LDAF1: variants seen among roughly 807,000 people sequenced by gnomAD.
The protein encoded by LDAF1 is PROMETHIN.
LDAF1 carries 7 observed loss-of-function variants against 13.5 expected under a neutral mutation model. The ratio of observed to expected loss-of-function variants is 0.52; its 90% CI spans 0.29 to 0.97. The LOEUF (loss-of-function observed/expected upper bound fraction) is 0.97, where lower values mean the gene tolerates loss of function less well. Ranked by LOEUF, LDAF1 falls within the 50% of genes least tolerant of loss-of-function variation. The probability of loss-of-function intolerance (pLI) is 0.07; values close to 1 mark genes in which losing one functional copy is unlikely to be tolerated. For synonymous variants in LDAF1, 69 were observed against 77.1 expected (o/e 0.89, Z 0.55); for missense variants, 148 against 193.2 (o/e 0.77, Z 1.39).
In LDAF1 at chr16:21,167,032, G is replaced by A. The variant is rs1205119923; in HGVS notation, c.97-3405G>A. 3.4e-6 allele frequency: 3 copies of A among 890,728 alleles called. No homozygotes were observed. In the African/African-American group the frequency reaches 5.0e-5, roughly 15 times the overall value. The allele number at this position is 890,728 out of a possible 1,614,324, so 55.2% of individuals were successfully genotyped here. A position where few individuals can be genotyped will look rare whatever the true frequency, so the allele number is the denominator to read the frequency against. ...GTCAGCGGGCATTATGCCGTCCTGT[G>A]GCCTGGCAGGGAGTGAAATTGGCCA... On this transcript the variant is annotated intron_variant, in intron 2 of 4. Coordinates refer to ENST00000233047, the MANE Select transcript of LDAF1 (RefSeq NM_001301771.2).
At chr16:21,176,219 A>G (rs1297652352) in intron 4 of LDAF1, among the ~76,000 whole-genome samples, 1 of 152,232 alleles carries the variant, frequency 6.6e-6, no homozygotes, top group Non-Finnish European at 1.5e-5. Context: ...GAAGAAATTG[A>G]AAAACAAATC....
At chr16:21,169,187 G>A (rs867661056) in intron 2 of LDAF1, 8 of 984,328 alleles carry the variant, frequency 8.1e-6, no homozygotes, top group Middle Eastern at 1.0e-3. Context: ...GAGGCTGTGC[G>A]ACTCTAGACA....
At chr16:21,165,357 G>T (rs949813226) in intron 2 of LDAF1, among the ~76,000 whole-genome samples, 2 of 152,160 alleles carry the variant, frequency 1.3e-5, no homozygotes, top group Non-Finnish European at 2.9e-5. Context: ...GTTGCAGTGA[G>T]CCGAGATCAT....
At position 21,179,593 on chromosome 16, in the gene LDAF1, G is replaced by A. The variant is rs1242460201; in HGVS notation, c.*37G>A. 1.9e-6 allele frequency: 3 copies of A among 1,576,606 alleles called. No individual in the cohort carries two copies. The highest frequency in any genetic ancestry group is 1.7e-6 in the Non-Finnish European group (2 of 1,148,488). Reference sequence around the variant, plus strand: ...GAGGCCGGGCTTCTTTTCAAGTACTGCTGGATCATACTCACCCCTTGGGAT... The same window carrying A: ...GAGGCCGGGCTTCTTTTCAAGTACTACTGGATCATACTCACCCCTTGGGAT... On this transcript the variant is annotated 3_prime_UTR_variant, in exon 5 of 5. Coordinates refer to ENST00000233047, the MANE Select transcript of LDAF1 (RefSeq NM_001301771.2).
At chr16:21,169,217 T>C (rs532507332) in intron 2 of LDAF1, 1 of 978,716 alleles carries the variant, frequency 1.0e-6, no homozygotes, top group Admixed American at 6.2e-5. Flanking sequence ...GTTCATTGCT[T>C]CTCAAACTTT....
chr16:21,168,959 T>A (rs889894610), intron 2 of LDAF1, among the ~76,000 whole-genome samples: 2 of 115,148 alleles, frequency 1.7e-5, no homozygotes, highest in African/African-American at 7.5e-5. Context: ...GTATATATAA[T>A]ATAATATATT....
rs2093115350 is a variant in LDAF1 at position 21,174,021 on chromosome 16, T to A, written c.277T>A (p.Ser93Thr). Residue 93 changes from serine (S) to threonine (T), a missense_variant, in exon 4 of 5, where the codon TCT becomes ACT. Transcript: ENST00000233047. Reference sequence around the variant, plus strand: ...CGTTCTCCTCCTAGGATTGGTCATCTCTGTGGGTGGCTTCTCACTGCTCTG... The same window carrying A: ...CGTTCTCCTCCTAGGATTGGTCATCACTGTGGGTGGCTTCTCACTGCTCTG... ...GVIILEGLVI[S>T]VGGFSLLCIL... The A allele has an allele frequency of 5.6e-6, 9 of 1,613,268 alleles. No individual in the cohort carries two copies. In the East Asian group the frequency reaches 2.0e-4, roughly 36 times the overall value.
rs1441309884 is a variant in LDAF1, at chr16:21,174,133, G to A, written c.389G>A (p.Cys130Tyr). 4 of 1,608,680 alleles carry A rather than the reference G, an allele frequency of 2.5e-6. No homozygotes were observed. Among genetic ancestry groups the A allele is most frequent in the African/African-American group, 2.7e-5 (2 of 74,544 alleles). Residue 130 changes from cysteine to tyrosine, a missense_variant, in exon 4 of 5, where the codon TGC (cysteine) becomes TAC (tyrosine). Physicochemically the swap from Cys to Tyr is radical, Grantham distance 194. Transcript: ENST00000233047. ...SYVVVSSLIS[C>Y]WFSPRPLTQQ... ...GTAGTGGTCTCCAGCCTCATCAGCT[G>A]CTGGTTTTCTCCCAGGTAAATACAT...
At chr16:21,171,479 T>A (rs2152847457) in intron 3 of LDAF1, among the ~76,000 whole-genome samples, 1 of 152,272 alleles carries the variant, frequency 6.6e-6, no homozygotes, top group Middle Eastern at 3.4e-3. Context: ...AGAGTGGTTT[T>A]TGAGTAAATG....
intron 4 of LDAF1, among the ~76,000 whole-genome samples, chr16:21,177,619 C>CTTTTTTTT (rs1025169859): frequency 1.7e-5 from 2 of 115,880 alleles, no homozygotes; most frequent in Non-Finnish European, 3.5e-5. Context: ...TTAGCGAATT[C>CTTTTTTTT]TTTTTTTTTT....
chr16:21,176,499 C>G (rs2093139580), intron 4 of LDAF1, among the ~76,000 whole-genome samples: 2 of 151,998 alleles, frequency 1.3e-5, no homozygotes, highest in Non-Finnish European at 2.9e-5. Context: ...AAAAATTAGC[C>G]AACTGTGGTG....
chr16:21,167,335 GA>G (rs1386644976), intron 2 of LDAF1, among the ~76,000 whole-genome samples: 7 of 152,260 alleles, frequency 4.6e-5, no homozygotes, highest in African/African-American at 1.4e-4. Context: ...TGAGGCTCAG[GA>G]AGGACCAGTT....
At chr16:21,161,321 A>G in intron 2 of LDAF1, 43 bp downstream of exon 2, 1 of 1,594,340 alleles carries the variant, frequency 6.3e-7, no homozygotes. Flanking sequence ...TCCCAATATA[A>G]CACTAGCATA....
intron 1 of LDAF1, chr16:21,159,372 A>G (rs775726878): frequency 1.1e-5 from 17 of 1,613,876 alleles, no homozygotes; most frequent in Non-Finnish European, 1.4e-5. Context: ...CTGGCTTTTG[A>G]ACGCTGAAAG....
At chr16:21,167,653 C>G (rs1183307869) in intron 2 of LDAF1, among the ~76,000 whole-genome samples, 1 of 142,004 alleles carries the variant, frequency 7.0e-6, no homozygotes, top group Non-Finnish European at 1.5e-5. Flanking sequence ...GTGGTGGCAG[C>G]TGTTGCAAGC....
rs765821702 is a variant in LDAF1 at position 21,179,608 on chromosome 16, C to A, written c.*52C>A. The A allele has an allele frequency of 6.6e-7, 1 of 1,523,862 alleles. No homozygotes were observed. Among genetic ancestry groups the A allele is most frequent in the Non-Finnish European group, 9.0e-7 (1 of 1,106,646 alleles). 94.4% of individuals were successfully genotyped at this position (1,523,862 alleles called of 1,614,324 possible). Reference sequence around the variant, plus strand: ...TTCAAGTACTGCTGGATCATACTCACCCCTTGGGATTATGGCTTAGAAGAA... The same window carrying A: ...TTCAAGTACTGCTGGATCATACTCAACCCTTGGGATTATGGCTTAGAAGAA... On this transcript the variant is annotated 3_prime_UTR_variant, in exon 5 of 5. Coordinates refer to ENST00000233047, the MANE Select transcript of LDAF1 (RefSeq NM_001301771.2).
chr16:21,172,788 C>T lies in LDAF1; in HGVS notation c.266-1222C>T, dbSNP rs1400448851. The T allele has an allele frequency of 3.4e-5, 33 of 982,578 alleles. No individual in the cohort carries two copies. In the African/African-American group the frequency reaches 4.5e-4, roughly 14 times the overall value. 60.9% of individuals were successfully genotyped at this position (982,578 alleles called of 1,614,324 possible). ...GTGGTTGGCACCACACTTTGAAAAACGCTGATCTAAAATTTTGCGAATCTT... is the reference window on the plus strand; with the variant it reads ...GTGGTTGGCACCACACTTTGAAAAATGCTGATCTAAAATTTTGCGAATCTT... On this transcript the variant is annotated intron_variant, in intron 3 of 4. Transcript: ENST00000233047.
In LDAF1 at chr16:21,179,549, A is replaced by G; in HGVS notation, c.479A>G (p.Gln160Arg). ...MKSAEFEGLY[Q>R]E ...TCTGCAGAATTCGAGGGGCTTTACC[A>G]GGAATGAGTGACTGCTCAGAGGCCG... The change falls in exon 5 of 5, where the codon CAG becomes CGG. Residue 160 changes from glutamine to arginine, a missense_variant. Coordinates refer to ENST00000233047, the MANE Select transcript of LDAF1 (RefSeq NM_001301771.2). 6.2e-7 allele frequency: 1 copy of G among 1,613,992 alleles called. No individual in the cohort carries two copies. Among genetic ancestry groups the G allele is most frequent in the Non-Finnish European group, 8.5e-7 (1 of 1,179,888 alleles).
chr16:21,172,879 A>G, intron 3 of LDAF1: 1 of 982,576 alleles, frequency 1.0e-6, no homozygotes, highest in Non-Finnish European at 1.2e-6. Context: ...CCTCCCTGAA[A>G]CCATCACTGT....
Sources: gnomAD v4.1 joint callset for allele counts (sites outside exome capture counted in the v4.1 genomes callset) on GRCh38, gnomAD v4.1.1 for gene constraint, MANE v1.5 for transcripts, NCBI Gene and HGNC (gene_info 2026-07-23, HGNC 2026-07-21) for gene names.